CBLB: variants seen among roughly 807,000 people sequenced by gnomAD.
CBLB encodes the protein E3 ubiquitin-protein ligase CBL-B.
CBLB carries 31 observed loss-of-function variants against 104.9 expected under a neutral mutation model. The ratio of observed to expected loss-of-function variants is 0.30; its 90% CI spans 0.22 to 0.40. The LOEUF is 0.40. Among genes scored for constraint, CBLB ranks in the 10% least tolerant of loss-of-function variants. CBLB has a pLI of 1.00. For missense variants in CBLB, 1,062 were observed against 1,214.6 expected, an observed-to-expected ratio of 0.87 and a Z score of 1.87; for synonymous variants, 440 against 422.6, an observed-to-expected ratio of 1.04 and a Z score of -0.51.
intron 4 of CBLB, among the ~76,000 whole-genome samples, chr3:105,768,099 T>A (rs2152946851): frequency 6.6e-6 from 1 of 152,310 alleles, no homozygotes; most frequent in South Asian, 2.1e-4. Context: ...AATACAAAGA[T>A]GAATAAATAA....
At chr3:105,679,549 G>A (rs546446658) in intron 16 of CBLB, among the ~76,000 whole-genome samples, 1 of 152,150 alleles carries the variant, frequency 6.6e-6, no homozygotes, top group Non-Finnish European at 1.5e-5. Context: ...AGGCCAAGGT[G>A]GGTGGATCAT....
chr3:105,849,908 T>C (rs1196824154), intron 3 of CBLB, among the ~76,000 whole-genome samples: 1 of 152,096 alleles, frequency 6.6e-6, no homozygotes, highest in African/African-American at 2.4e-5. Context: ...AAAATAAAAA[T>C]TTAACATAAA....
intron 6 of CBLB, among the ~76,000 whole-genome samples, chr3:105,741,770 C>A (rs1374802484): frequency 6.6e-6 from 1 of 151,018 alleles, no homozygotes; most frequent in African/African-American, 2.4e-5. Context: ...CCACCCGCCT[C>A]GGCATCCCAA....
intron 13 of CBLB, among the ~76,000 whole-genome samples, chr3:105,693,042 A>C (rs2067912596): frequency 6.6e-6 from 1 of 151,884 alleles, no homozygotes. Flanking sequence ...GGAGAAGATT[A>C]GAGGAATATG....
intron 18 of CBLB, among the ~76,000 whole-genome samples, chr3:105,665,984 C>T (rs2064404603): frequency 1.3e-5 from 2 of 151,422 alleles, no homozygotes; most frequent in Admixed American, 1.3e-4. Flanking sequence ...CAAGATCGTG[C>T]CACTGCACTC....
chr3:105,659,694 G>C lies in CBLB; in HGVS notation c.2690-465C>G, dbSNP rs147834807. Among the ~76,000 whole-genome samples, 915 of 152,248 alleles carry C rather than the reference G, an allele frequency of 6.0e-3. 10 individuals are homozygous for C. The highest frequency in any genetic ancestry group is 0.021 in the African/African-American group (869 of 41,546). Reference sequence around the variant, plus strand: ...CACAAGCTCACAAACAGCCATGGCAGAACGTCCCCACAGGTCCTGAGTCCC... The same window carrying C: ...CACAAGCTCACAAACAGCCATGGCACAACGTCCCCACAGGTCCTGAGTCCC... On this transcript the variant is annotated intron_variant, in intron 18 of 18. Coordinates refer to ENST00000394030, the MANE Select transcript of CBLB (RefSeq NM_170662.5).
At chr3:105,793,193 CA>C in intron 3 of CBLB, among the ~76,000 whole-genome samples, 1 of 152,004 alleles carries the variant, frequency 6.6e-6, no homozygotes, top group Admixed American at 6.6e-5. Flanking sequence ...AGAACAAGGC[CA>C]GAGAGTGATT....
chr3:105,865,005 A>G (rs557076579), intron 2 of CBLB, among the ~76,000 whole-genome samples: 2 of 152,284 alleles, frequency 1.3e-5, no homozygotes, highest in African/African-American at 2.4e-5. Flanking sequence ...CATACCTACC[A>G]ATTAGACTTG....
chr3:105,798,874 G>A (rs1004760901), intron 3 of CBLB, among the ~76,000 whole-genome samples: 1 of 152,120 alleles, frequency 6.6e-6, no homozygotes, highest in African/African-American at 2.4e-5. Flanking sequence ...AGACAGAGGG[G>A]GTCAGGCATT....
rs1025425767 is a variant in CBLB, at chr3:105,745,946, T to C, written c.816A>G (p.Arg272=). 1.2e-6 allele frequency: 2 copies of C among 1,612,562 alleles called. No homozygotes were observed. The highest frequency in any genetic ancestry group is 1.7e-6 in the Non-Finnish European group (2 of 1,178,586). ...CGGGTTTGGTGCTATATTTCTGTAGTCGTGCTTTAACTTCATCATATGTGA... is the reference window on the plus strand; with the variant it reads ...CGGGTTTGGTGCTATATTTCTGTAGCCGTGCTTTAACTTCATCATATGTGA... The part of the protein sequence containing the change: ...AFLTYDEVKA[R]LQKYSTKPGS... Residue 272 remains arginine, a synonymous_variant, in exon 6 of 19, where the codon CGA becomes CGG. Transcript: ENST00000394030.
chr3:105,746,950 A>T (rs900975969), intron 5 of CBLB, among the ~76,000 whole-genome samples: 1 of 152,244 alleles, frequency 6.6e-6, no homozygotes, highest in Non-Finnish European at 1.5e-5. Context: ...ACACTACAGT[A>T]GTCACATCTG....
intron 10 of CBLB, among the ~76,000 whole-genome samples, chr3:105,710,580 T>G (rs1177510061): frequency 6.6e-6 from 1 of 151,966 alleles, no homozygotes; most frequent in South Asian, 2.1e-4. Flanking sequence ...ATAAATTATC[T>G]GTTTCAGCTT....
chr3:105,707,504 A>C (rs1388930173), intron 10 of CBLB, among the ~76,000 whole-genome samples: 1 of 152,144 alleles, frequency 6.6e-6, no homozygotes, highest in East Asian at 1.9e-4. Flanking sequence ...TTTTGATAGT[A>C]ATGCATTATT....
chr3:105,803,763 G>A (rs1287556931), intron 3 of CBLB, among the ~76,000 whole-genome samples: 1 of 152,090 alleles, frequency 6.6e-6, no homozygotes, highest in African/African-American at 2.4e-5. Flanking sequence ...AAAGATAATA[G>A]AATGAACTTA....
chr3:105,674,369 T>C (rs2065381374), intron 17 of CBLB, among the ~76,000 whole-genome samples: 1 of 152,238 alleles, frequency 6.6e-6, no homozygotes, highest in Non-Finnish European at 1.5e-5. Flanking sequence ...ACTTATGCAG[T>C]TGCATTTCTG....
At chr3:105,799,574 A>G (rs1327503460) in intron 3 of CBLB, among the ~76,000 whole-genome samples, 7 of 152,188 alleles carry the variant, frequency 4.6e-5, no homozygotes, top group Non-Finnish European at 7.4e-5. Flanking sequence ...TCTCTGGATG[A>G]TAAGATTACA....
chr3:105,687,330 A>G lies in CBLB; in HGVS notation c.2055-1864T>C, dbSNP rs149052455. Among the ~76,000 whole-genome samples the G allele has an allele frequency of 1.6e-3, 251 of 152,270 alleles. 3 individuals carry two copies. Among genetic ancestry groups the G allele is most frequent in the African/African-American group, 5.7e-3 (239 of 41,580 alleles). On this transcript the variant is annotated intron_variant, in intron 13 of 18. Transcript: ENST00000394030. Reference sequence around the variant, plus strand: ...AGAAGCAGTTCATTATGAGTCAACAATGGACCATTTTTTAAATCACATACG... The same window carrying G: ...AGAAGCAGTTCATTATGAGTCAACAGTGGACCATTTTTTAAATCACATACG...
intron 3 of CBLB, among the ~76,000 whole-genome samples, chr3:105,777,208 G>C (rs2079583745): frequency 6.6e-6 from 1 of 152,208 alleles, no homozygotes; most frequent in Non-Finnish European, 1.5e-5. Context: ...TCAATGCACA[G>C]TTTTTGTTAT....
intron 6 of CBLB, among the ~76,000 whole-genome samples, chr3:105,742,854 A>G (rs1190756474): frequency 1.3e-5 from 2 of 152,080 alleles, no homozygotes; most frequent in Non-Finnish European, 2.9e-5. Context: ...ACTGAAATAC[A>G]TACTTGTGAA....
Sources: gnomAD v4.1 joint callset for allele counts (sites outside exome capture counted in the v4.1 genomes callset) on GRCh38, gnomAD v4.1.1 for gene constraint, MANE v1.5 for transcripts, NCBI Gene and HGNC (gene_info 2026-07-23, HGNC 2026-07-21) for gene names.